JAK1: variants seen among roughly 807,000 people sequenced by gnomAD.
JAK1 encodes Janus kinase 1, also known as tyrosine-protein kinase JAK1.
A neutral mutation model predicts 136.6 loss-of-function variants in JAK1; 16 were observed. That is an observed-to-expected ratio of 0.12 (90% CI 0.08 to 0.18). JAK1 has a LOEUF of 0.18. Among genes scored for constraint, JAK1 ranks in the 10% least tolerant of loss-of-function variants. JAK1 has a pLI of 1.00. For synonymous variants in JAK1, 492 were observed against 519.5 expected (o/e 0.95, Z 0.72); for missense variants, 859 against 1,450.1 (o/e 0.59, Z 6.62).
chr1:64,851,322 A>C (rs1036404638), intron 11 of JAK1, among the ~76,000 whole-genome samples: 1 of 152,244 alleles, frequency 6.6e-6, no homozygotes, highest in African/African-American at 2.4e-5. Context: ...CCCGGTACAT[A>C]GTAGGCACTC....
At chr1:64,985,841 G>T in intron 2 of JAK1, 2 of 618,258 alleles carry the variant, frequency 3.2e-6, no homozygotes, top group South Asian at 3.6e-5. Context: ...CAAAGCTGTT[G>T]ACAAACAGTC....
chr1:65,011,980 G>C (rs1646853161), intron 2 of JAK1, among the ~76,000 whole-genome samples: 1 of 152,200 alleles, frequency 6.6e-6, no homozygotes, highest in Non-Finnish European at 1.5e-5. Flanking sequence ...AGAGGAAAGA[G>C]AGCAAAATAG....
chr1:64,898,915 T>C (rs1012947574), intron 1 of JAK1, among the ~76,000 whole-genome samples: 1 of 152,156 alleles, frequency 6.6e-6, no homozygotes, highest in Non-Finnish European at 1.5e-5. Context: ...GGATCCCACA[T>C]TGCACCAAAA....
intron 1 of JAK1, among the ~76,000 whole-genome samples, chr1:64,899,905 C>T (rs1234822150): frequency 1.3e-5 from 2 of 152,090 alleles, no homozygotes; most frequent in African/African-American, 2.4e-5. Flanking sequence ...GATGCATAGA[C>T]GCACACATGT....
chr1:64,863,654 G>C (rs994238819), intron 8 of JAK1, among the ~76,000 whole-genome samples: 5 of 152,000 alleles, frequency 3.3e-5, no homozygotes, highest in Admixed American at 2.0e-4. Context: ...CATACCTATT[G>C]ATATTTTGAA....
chr1:65,020,203 C>T (rs1004813715), intron 2 of JAK1, among the ~76,000 whole-genome samples: 3 of 45,146 alleles, frequency 6.6e-5, no homozygotes, highest in African/African-American at 2.8e-4. Context: ...CCAGCTTGGG[C>T]AAAAAGAGCA....
intron 2 of JAK1, among the ~76,000 whole-genome samples, chr1:65,038,450 C>T (rs988759196): frequency 2.0e-5 from 3 of 151,900 alleles, no homozygotes; most frequent in South Asian, 4.2e-4. Flanking sequence ...CTGCCCGCCT[C>T]GGCCTCCCAA....
intron 1 of JAK1, among the ~76,000 whole-genome samples, chr1:64,954,550 C>G (rs990612214): frequency 6.6e-6 from 1 of 152,160 alleles, no homozygotes; most frequent in African/African-American, 2.4e-5. Context: ...TGTCCCAAAG[C>G]CTTTTTGCCT....
At chr1:64,891,200 C>T (rs1434583216) in intron 1 of JAK1, among the ~76,000 whole-genome samples, 1 of 152,068 alleles carries the variant, frequency 6.6e-6, no homozygotes, top group East Asian at 1.9e-4. Flanking sequence ...GTTAGGCACT[C>T]GCACTTAATT....
intron 14 of JAK1, among the ~76,000 whole-genome samples, chr1:64,846,247 C>G (rs377274225): frequency 3.3e-5 from 5 of 152,150 alleles, no homozygotes; most frequent in Admixed American, 3.3e-4. Context: ...AAGGGCCAAG[C>G]CTGCCTGTGG....
chr1:64,835,350 CATA>C, intron 24 of JAK1, 43 bp downstream of exon 24: 1 of 1,058,628 alleles, frequency 9.4e-7, no homozygotes, highest in Non-Finnish European at 1.4e-6. Context: ...GCTGCGAAAA[CATA>C]ATAGAAATGG....
chr1:65,062,489 A>G (rs1443200099), intron 1 of JAK1, among the ~76,000 whole-genome samples: 1 of 152,202 alleles, frequency 6.6e-6, no homozygotes, highest in African/African-American at 2.4e-5. Flanking sequence ...ATGGACAGCT[A>G]AAGGAGCCAA....
At position 64,949,692 on chromosome 1, in the gene JAK1, C is replaced by T. The variant is rs144573130; in HGVS notation, c.-78+16641G>A. On this transcript the variant is annotated intron_variant, in intron 1 of 24. Transcript: ENST00000342505. Reference sequence around the variant, plus strand: ...AGTCAGGAAATCAGCAGCTTCCTGCCAATGTTTAAGGCCATTTGTGACTTA... The same window carrying T: ...AGTCAGGAAATCAGCAGCTTCCTGCTAATGTTTAAGGCCATTTGTGACTTA... 8.2e-3 allele frequency among the ~76,000 whole-genome samples: 1,244 copies of T among 152,274 alleles called. 7 individuals are homozygous for T. Among genetic ancestry groups the T allele is most frequent in the Middle Eastern group, 0.024 (7 of 294 alleles).
chr1:64,975,235 A>G (rs1313759239), intron 2 of JAK1, among the ~76,000 whole-genome samples: 1 of 152,158 alleles, frequency 6.6e-6, no homozygotes, highest in Non-Finnish European at 1.5e-5. Flanking sequence ...AGCTAGGACT[A>G]TAGGCATGCA....
chr1:64,921,810 G>C (rs1468496169), intron 1 of JAK1, among the ~76,000 whole-genome samples: 2 of 152,060 alleles, frequency 1.3e-5, no homozygotes, highest in Admixed American at 1.3e-4. Context: ...TTTCTAGAGT[G>C]AGATGGCTTA....
At chr1:64,917,996 A>G in intron 1 of JAK1, among the ~76,000 whole-genome samples, 1 of 152,138 alleles carries the variant, frequency 6.6e-6, no homozygotes, top group East Asian at 1.9e-4. Context: ...GAGACCATGA[A>G]GCTCTTCTCC....
At chr1:64,860,419 C>CATTTATTTATTTATTTATTTATTT (rs3051564) in intron 8 of JAK1, among the ~76,000 whole-genome samples, 157 bp from the exon 9 acceptor site, 1 of 73,914 alleles carries the variant, frequency 1.4e-5, no homozygotes, top group Non-Finnish European at 2.3e-5. Flanking sequence ...CCCTTGCATG[C>CATTTATTTATTTATTTATTTATTT]ATTTATTTAT....
At chr1:65,004,948 T>A (rs1646792127) in intron 2 of JAK1, among the ~76,000 whole-genome samples, 1 of 152,214 alleles carries the variant, frequency 6.6e-6, no homozygotes, top group Non-Finnish European at 1.5e-5. Flanking sequence ...TGTCTAAAAA[T>A]TTTTGAAATT....
intron 2 of JAK1, among the ~76,000 whole-genome samples, chr1:65,026,564 T>C (rs981125526): frequency 6.6e-6 from 1 of 152,234 alleles, no homozygotes; most frequent in Non-Finnish European, 1.5e-5. Context: ...GGTTTGGAAC[T>C]GTTCCATTGG....
Sources: allele counts gnomAD v4.1 joint callset (sites outside exome capture counted in the v4.1 genomes callset), GRCh38; gene constraint gnomAD v4.1.1; transcripts MANE v1.5; gene names NCBI Gene and HGNC (gene_info 2026-07-23, HGNC 2026-07-21).